ESPL1: variants seen among roughly 807,000 people sequenced by gnomAD.
ESPL1 encodes the protein separin.
Under a neutral mutation model 217.2 loss-of-function variants are expected in ESPL1, and 50 were observed. The ratio of observed to expected loss-of-function variants is 0.23; its 90% CI spans 0.18 to 0.29. The LOEUF (loss-of-function observed/expected upper bound fraction) is 0.29, where lower values mean the gene tolerates loss of function less well. ESPL1 is among the 10% of genes least tolerant of loss of function. The probability of loss-of-function intolerance (pLI) is 1.00; values close to 1 mark genes in which losing one functional copy is unlikely to be tolerated. For synonymous variants in ESPL1, 994 were observed against 1,081.3 expected (o/e 0.92, Z 1.58); for missense variants, 1,834 against 2,603.0 (o/e 0.70, Z 6.43).
Position 53,270,785 on chromosome 12 carries a change from C to A in ESPL1, c.1356C>A (p.His452Gln). The A allele has an allele frequency of 6.2e-7, 1 of 1,614,192 alleles. No homozygotes were observed. Among genetic ancestry groups the A allele is most frequent in the Non-Finnish European group, 8.5e-7 (1 of 1,180,016 alleles). Residue 452 changes from histidine to glutamine, a missense_variant, in exon 5 of 31, where the codon CAC becomes CAA. Coordinates refer to ENST00000257934, the MANE Select transcript of ESPL1 (RefSeq NM_012291.5). ...EGLSGQELTD[H>Q]MGMTASYTSN... is the part of the protein sequence containing the mutation. ...TGTCGGGCCAAGAGCTGACGGACCA[C>A]ATGGGGATGACCGGTTAGTGCCCTG...
chr12:53,286,332 C>T lies in ESPL1; in HGVS notation c.3596C>T (p.Thr1199Ile). The T allele has an allele frequency of 6.2e-7, 1 of 1,614,220 alleles. No homozygotes were observed. Among genetic ancestry groups the T allele is most frequent in the Non-Finnish European group, 8.5e-7 (1 of 1,180,030 alleles). ...TGTCCTGAAGCCGCTGAGCGCCTCA[C>T]CCAAGCTCTCCAAGCTTCCCTGAAT... ...KGCPEAAERL[T>I]QALQASLNHK... is the part of the protein sequence containing the mutation. Residue 1199 changes from threonine to isoleucine, a missense_variant, in exon 18 of 31, where the codon ACC (threonine) becomes ATC (isoleucine). Around this residue, in one of 5 missense-constraint regions of ESPL1, gnomAD observed 681 missense variants for 808.0 expected, o/e 0.84. Coordinates refer to ENST00000257934, the MANE Select transcript of ESPL1 (RefSeq NM_012291.5). This position sits in a 1 kb window ranked among gnomAD's most constrained non-coding sequence, Gnocchi z 5.3.
rs1944063555 is a variant in ESPL1, at chr12:53,291,732, C to G, written c.5563C>G (p.Gln1855Glu). The change falls in exon 26 of 31, where the codon CAG (glutamine) becomes GAG (glutamate). Residue 1855 changes from glutamine (Q) to glutamate (E), a missense_variant. Transcript: ENST00000257934. ...GAGALTPQDI[Q>E]ALAYGLCPTQ... The stretch of plus-strand genomic sequence containing the variant: ...CGGTGCCCTCACCCCTCAGGACATT[C>G]AGGCCCTGGCCTACGGGCTGTGCCC... 6.2e-7 allele frequency: 1 copy of G among 1,613,936 alleles called. No individual in the cohort carries two copies. The highest frequency in any genetic ancestry group is 1.3e-5 in the African/African-American group (1 of 74,934).
In ESPL1 at chr12:53,290,094, T is replaced by TG; in HGVS notation, c.5124dup (p.Cys1709ValfsTer48). The stretch of plus-strand genomic sequence containing the variant: ...GTATCCTGTGTGTCAGGGGTGACTG[T>TG]GTGTGTGTTGGCCCTGGCCACCCTC... On this transcript the variant is annotated frameshift_variant, in exon 23 of 31. Transcript: ENST00000257934. LOFTEE classifies it high-confidence loss of function. 6.2e-7 allele frequency: 1 copy of TG among 1,612,652 alleles called. No individual in the cohort carries two copies. Among genetic ancestry groups the TG allele is most frequent in the Non-Finnish European group, 8.5e-7 (1 of 1,179,976 alleles).
At chr12:53,291,893 T>C (rs761502020) in intron 26 of ESPL1, 33 bp downstream of exon 26, 5 of 1,593,376 alleles carry the variant, frequency 3.1e-6, no homozygotes, top group African/African-American at 1.3e-5. Context: ...CAGTGTCTAG[T>C]GGGGAGTGAA....
intron 7 of ESPL1, among the ~76,000 whole-genome samples, chr12:53,276,250 GAGAGTAGTAAATACAA>G (rs1943763820): frequency 1.3e-5 from 2 of 152,136 alleles, no homozygotes; most frequent in South Asian, 4.1e-4. Flanking sequence ...TCCTTGCAGA[GAGAGTAGTAAATACAA>G]AGGTTGCAAA....
rs1172686583 is a variant in ESPL1 at position 53,282,766 on chromosome 12, G to A, written c.2791+331G>A. Among the ~76,000 whole-genome samples the A allele has an allele frequency of 6.6e-6, 1 of 152,210 alleles. No individual in the cohort carries two copies. The highest frequency in any genetic ancestry group is 1.5e-5 in the Non-Finnish European group (1 of 68,044). On this transcript the variant is annotated intron_variant, in intron 14 of 30. Transcript: ENST00000257934. This position sits in a 1 kb window ranked among gnomAD's most constrained non-coding sequence, Gnocchi z 4.0. Reference sequence around the variant, plus strand: ...CCTCCTGGGTTCAAACGATTCTCCTGCCTCAACCTCCTGAGTAGCTGGGAT... The same window carrying A: ...CCTCCTGGGTTCAAACGATTCTCCTACCTCAACCTCCTGAGTAGCTGGGAT...
At position 53,282,337 on chromosome 12, in the gene ESPL1, A is replaced by G; in HGVS notation, c.2693A>G (p.Tyr898Cys). Residue 898 changes from tyrosine (Y) to cysteine (C), a missense_variant, in exon 14 of 31, where the codon TAC (tyrosine) becomes TGC (cysteine). By Grantham distance (194) the Tyr-to-Cys change is radical. This residue lies in a region of ESPL1 where 5 missense variants were observed against 26.5 expected (regional missense o/e 0.19). Transcript: ENST00000257934. The surrounding 1 kb of genome is among the most constrained non-coding windows in gnomAD (Gnocchi z 4.0). ...PALQKSSKAW[Y>C]LLRVQVLQLV... ...CTCCAGAAGTCCTCCAAGGCTTGGT[A>G]CTTGCTGCGTGTCCAGGTCCTGCAG... 1 of 1,614,066 alleles carries G rather than the reference A, an allele frequency of 6.2e-7. No homozygotes were observed. The highest frequency in any genetic ancestry group is 1.6e-4 in the Middle Eastern group (1 of 6,062).
chr12:53,274,532 CAGG>C (rs1202334117), intron 6 of ESPL1: 27 of 286,174 alleles, frequency 9.4e-5, no homozygotes, highest in Non-Finnish European at 1.8e-4. Flanking sequence ...ATTTCTTACT[CAGG>C]AGAAGGCAGT....
intron 10 of ESPL1, 22 bp downstream of exon 10, chr12:53,277,630 G>A: frequency 6.2e-7 from 1 of 1,612,054 alleles, no homozygotes; most frequent in South Asian, 1.1e-5. Flanking sequence ...ATGGAGTGTG[G>A]CATGGGCATC....
chr12:53,271,828 G>A (rs1270520932), intron 5 of ESPL1, among the ~76,000 whole-genome samples: 1 of 151,946 alleles, frequency 6.6e-6, no homozygotes, highest in South Asian at 2.1e-4. Flanking sequence ...AGTGGCTCAC[G>A]CCTGTAATCC....
At position 53,286,404 on chromosome 12, in the gene ESPL1, T is replaced by G. The variant is rs1422203833; in HGVS notation, c.3668T>G (p.Leu1223Trp). The G allele has an allele frequency of 1.2e-6, 2 of 1,614,076 alleles. No individual in the cohort carries two copies. The highest frequency in any genetic ancestry group is 1.7e-6 in the Non-Finnish European group (2 of 1,180,038). The change falls in exon 18 of 31, where the codon TTG becomes TGG. Residue 1223 changes from leucine to tryptophan, a missense_variant. By Grantham distance (61) the Leu-to-Trp change is moderately conservative (BLOSUM62 -2). Coordinates refer to ENST00000257934, the MANE Select transcript of ESPL1 (RefSeq NM_012291.5). This position sits in a 1 kb window ranked among gnomAD's most constrained non-coding sequence, Gnocchi z 5.3. Reference protein sequence around the residue: ...SLVPSLLDEILAQAYTLLALE... With the variant: ...SLVPSLLDEIWAQAYTLLALE... ...GTTCCAAGCCTCTTGGATGAGATCT[T>G]GGCTCAAGCATACACACTGTTGGCA...
rs1475411462 is a variant in ESPL1, at chr12:53,291,833, T to C, written c.5664T>C (p.Asn1888=). ...TACAGGGCCTGACAGTACCAAGCAA[T>C]AGCCACCTTGTCTTGGTCCTAGACA... ...GRLQGLTVPS[N]SHLVLVLDKD... Residue 1888 remains asparagine (N), a synonymous_variant, in exon 26 of 31, where the codon AAT becomes AAC. Transcript: ENST00000257934. 6.3e-7 allele frequency: 1 copy of C among 1,592,240 alleles called. No individual in the cohort carries two copies. Among genetic ancestry groups the C allele is most frequent in the Non-Finnish European group, 8.6e-7 (1 of 1,168,680 alleles).
chr12:53,283,307 G>A, intron 15 of ESPL1, 50 bp downstream of exon 15: 1 of 1,610,872 alleles, frequency 6.2e-7, no homozygotes, highest in Non-Finnish European at 8.5e-7. Context: ...CAGGCTATGT[G>A]AGAGGGCTGC....
At position 53,289,318 on chromosome 12, in the gene ESPL1, T is replaced by C; in HGVS notation, c.4922+15T>C. The C allele has an allele frequency of 6.2e-7, 1 of 1,610,786 alleles. No individual in the cohort carries two copies. ...AGACAGCTCAGGTGGGTGCTGACCA[T>C]CCCCAAGACTCCTGCTGGGGCAGAC... On this transcript the variant is annotated intron_variant, in intron 21 of 30. Transcript: ENST00000257934.
rs1256905182 is a variant in ESPL1, at chr12:53,292,815, G to T, written c.6006G>T (p.Gly2002=). ...LTKHDLYIYA[G]HGAGARFLDG... ...CCTCCTTCTGCCTTAGCTATGCAGG[G>T]CATGGGGCTGGTGCCCGCTTCCTTG... is the stretch of plus-strand genomic sequence containing the variant. The change falls in exon 30 of 31, where the codon GGG becomes GGT. Residue 2002 remains glycine, a synonymous_variant. Transcript: ENST00000257934. This position sits in a 1 kb window ranked among gnomAD's most constrained non-coding sequence, Gnocchi z 4.5. The T allele has an allele frequency of 6.2e-7, 1 of 1,609,096 alleles. No individual in the cohort carries two copies. Among genetic ancestry groups the T allele is most frequent in the South Asian group, 1.1e-5 (1 of 91,074 alleles).
chr12:53,290,675 C>T (rs1005451904), intron 24 of ESPL1, among the ~76,000 whole-genome samples, 166 bp from the exon 25 acceptor site: 15 of 1,160 alleles, frequency 0.013, no homozygotes, highest in Admixed American at 0.12. Flanking sequence ...TTTAAAGATA[C>T]GCAGAAAAAA....
At position 53,286,828 on chromosome 12, in the gene ESPL1, G is replaced by A. The variant is rs1314195229; in HGVS notation, c.4092G>A (p.Val1364=). Reference sequence around the variant, plus strand: ...CTGGCCCTCATGTCCCCTTCACGGTGTTTGAGGAAGTCTGCCCTACAGAGA... The same window carrying A: ...CTGGCCCTCATGTCCCCTTCACGGTATTTGAGGAAGTCTGCCCTACAGAGA... ...RQAGPHVPFT[V]FEEVCPTESK... is the part of the protein sequence containing the mutation. The change falls in exon 18 of 31, where the codon GTG becomes GTA. Residue 1364 remains valine, a synonymous_variant. Transcript: ENST00000257934. This position sits in a 1 kb window ranked among gnomAD's most constrained non-coding sequence, Gnocchi z 5.3. 2.5e-6 allele frequency: 4 copies of A among 1,613,960 alleles called. No individual in the cohort carries two copies. The highest frequency in any genetic ancestry group is 1.3e-5 in the African/African-American group (1 of 74,932).
Position 53,292,041 on chromosome 12 carries a change from C to A in ESPL1, c.5749C>A (p.Arg1917=). The A allele has an allele frequency of 6.2e-7, 1 of 1,614,110 alleles. No individual in the cohort carries two copies. Among genetic ancestry groups the A allele is most frequent in the Non-Finnish European group, 8.5e-7 (1 of 1,180,014 alleles). The change falls in exon 27 of 31, where the codon CGG becomes AGG. Residue 1917 remains arginine, a synonymous_variant. Coordinates refer to ENST00000257934, the MANE Select transcript of ESPL1 (RefSeq NM_012291.5). The surrounding 1 kb of genome is among the most constrained non-coding windows in gnomAD (Gnocchi z 4.5). ...MPSLQALPVT[R]LPSFRFLLSY... is the part of the protein sequence containing the mutation. ...CAGCCTCCAAGCACTGCCTGTCACC[C>A]GGCTGCCCTCCTTCCGCTTCCTACT...
At chr12:53,284,276 C>T in intron 17 of ESPL1, 109 bp downstream of exon 17, 2 of 741,048 alleles carry the variant, frequency 2.7e-6, no homozygotes, top group Non-Finnish European at 4.8e-6. Context: ...GAGACAGAGT[C>T]TCACTTTATT....
Sources: gnomAD v4.1 joint callset for allele counts (sites outside exome capture counted in the v4.1 genomes callset) on GRCh38, gnomAD v4.1.1 for gene constraint, gnomAD v4.1.1 regional missense constraint, Gnocchi (gnomAD v3.1) non-coding constraint, MANE v1.5 for transcripts, NCBI Gene and HGNC (gene_info 2026-07-23, HGNC 2026-07-21) for gene names.